The following LMNTD1 variants were observed in gnomAD, a reference collection of about 807,000 sequenced individuals.
The protein encoded by LMNTD1 is lamin tail domain-containing protein 1.
Under a neutral mutation model 50.9 loss-of-function variants are expected in LMNTD1, and 35 were observed. That is an observed-to-expected ratio of 0.69 (90% CI 0.53 to 0.91). LMNTD1 has a LOEUF of 0.91. LMNTD1 is among the 40% of genes least tolerant of loss of function. The pLI, the probability that LMNTD1 is intolerant of heterozygous loss-of-function variation, is 0.00. For missense variants in LMNTD1, 470 were observed against 475.5 expected, an observed-to-expected ratio of 0.99 and a Z score of 0.11; for synonymous variants, 153 against 161.9, an observed-to-expected ratio of 0.94 and a Z score of 0.42.
At chr12:25,526,733 A>G (rs1270035870) in intron 5 of LMNTD1, 36 bp downstream of exon 5, 2 of 1,438,336 alleles carry the variant, frequency 1.4e-6, no homozygotes, top group East Asian at 2.3e-5. Context: ...TGTCCTGTAC[A>G]ATTCTAATGT....
intron 1 of LMNTD1, among the ~76,000 whole-genome samples, chr12:25,577,720 G>GTT (rs1376244186): frequency 1.8e-4 from 27 of 152,280 alleles, no homozygotes; most frequent in African/African-American, 6.0e-4. Context: ...CCAACACTAT[G>GTT]TTGAATAGGA....
intron 6 of LMNTD1, among the ~76,000 whole-genome samples, chr12:25,523,919 C>T (rs138237558): frequency 1.0e-3 from 159 of 151,538 alleles, no homozygotes; most frequent in East Asian, 3.3e-3. Flanking sequence ...CAAGAGCATG[C>T]GCAAAGGCCC....
At chr12:25,566,365 T>G (rs763370407) in intron 1 of LMNTD1, among the ~76,000 whole-genome samples, 2 of 152,236 alleles carry the variant, frequency 1.3e-5, no homozygotes, top group African/African-American at 2.4e-5. Flanking sequence ...CATTGATTGA[T>G]GGCCATTTGG....
At chr12:25,607,774 A>T (rs551180397) in intron 1 of LMNTD1, among the ~76,000 whole-genome samples, 20 of 152,208 alleles carry the variant, frequency 1.3e-4, no homozygotes, top group African/African-American at 2.6e-4. Context: ...AATTTTGGAA[A>T]AAGTGTGATT....
intron 1 of LMNTD1, among the ~76,000 whole-genome samples, chr12:25,641,383 A>T (rs1946957155): frequency 6.6e-6 from 1 of 152,186 alleles, no homozygotes; most frequent in Non-Finnish European, 1.5e-5. Context: ...GCTACATGCC[A>T]TGGAAAGGTT....
intron 8 of LMNTD1, among the ~76,000 whole-genome samples, chr12:25,507,069 T>C (rs1034135320): frequency 1.3e-5 from 2 of 152,012 alleles, no homozygotes; most frequent in African/African-American, 4.8e-5. Flanking sequence ...AGAGACAGGG[T>C]TTCACCATGT....
intron 4 of LMNTD1, among the ~76,000 whole-genome samples, chr12:25,541,935 A>C (rs1435486648): frequency 2.0e-5 from 3 of 152,116 alleles, no homozygotes; most frequent in Non-Finnish European, 2.9e-5. Context: ...ACTTCTCAAA[A>C]GAAGACATTT....
intron 4 of LMNTD1, among the ~76,000 whole-genome samples, chr12:25,543,096 A>T (rs58315574): frequency 0.02 from 3,045 of 152,208 alleles, 115 homozygotes; most frequent in African/African-American, 0.068. Context: ...TAATTAGAAT[A>T]GCCTAATATC....
At chr12:25,530,020 C>A (rs570875172) in intron 4 of LMNTD1, among the ~76,000 whole-genome samples, 1 of 152,158 alleles carries the variant, frequency 6.6e-6, no homozygotes, top group East Asian at 1.9e-4. Flanking sequence ...AAATTTTCAG[C>A]CTTCTTATTA....
chr12:25,530,688 T>G (rs917120143), intron 4 of LMNTD1, among the ~76,000 whole-genome samples: 3 of 152,206 alleles, frequency 2.0e-5, no homozygotes, highest in African/African-American at 7.2e-5. Flanking sequence ...ACAAGTCCCC[T>G]CTCATTTTCT....
At chr12:25,539,894 T>C (rs546543141) in intron 4 of LMNTD1, among the ~76,000 whole-genome samples, 1 of 151,464 alleles carries the variant, frequency 6.6e-6, no homozygotes, top group East Asian at 1.9e-4. Context: ...AAAGGGGATA[T>C]CACCACCGAT....
intron 6 of LMNTD1, among the ~76,000 whole-genome samples, chr12:25,524,736 C>T (rs1001933820): frequency 8.6e-5 from 13 of 151,942 alleles, no homozygotes; most frequent in African/African-American, 2.9e-4. Flanking sequence ...TGTGTATCCT[C>T]ATTTTCTCCA....
chr12:25,550,400 G>A (rs866012964), intron 2 of LMNTD1, among the ~76,000 whole-genome samples: 8 of 152,250 alleles, frequency 5.3e-5, no homozygotes, highest in Middle Eastern at 3.4e-3. Context: ...TTTTGTGGGT[G>A]CATGTGTGTA....
rs143861235 is a variant in LMNTD1, at chr12:25,518,946, G to A, written c.1038C>T (p.Thr346=). The A allele has an allele frequency of 6.2e-6, 10 of 1,614,082 alleles. No homozygotes were observed. The East Asian group carries it at 8.9e-5, about 14-fold the overall frequency. The part of the protein sequence containing the change: ...LLKREKEIPP[T]VFPNRSPWCQ... ...ACCAAGGGCTGCGATTAGGGAAAAC[G>A]GTTGGTGGGATTTCCTTCTCTCTGT... is the stretch of plus-strand genomic sequence containing the variant. Residue 346 remains threonine, a synonymous_variant, in exon 8 of 10, where the codon ACC becomes ACT. Coordinates refer to ENST00000458174, the MANE Select transcript of LMNTD1 (RefSeq NM_001145728.2).
chr12:25,592,494 C>T (rs760914210), intron 1 of LMNTD1: 2 of 152,176 alleles, frequency 1.3e-5, no homozygotes, highest in Admixed American at 6.5e-5. Flanking sequence ...TCTGACCTTA[C>T]CTGGAGTTGA....
At chr12:25,612,087 G>T (rs1946257135) in intron 1 of LMNTD1, among the ~76,000 whole-genome samples, 2 of 152,102 alleles carry the variant, frequency 1.3e-5, no homozygotes. Context: ...AAAGGTTTTT[G>T]TGTGTGTTCA....
intron 4 of LMNTD1, among the ~76,000 whole-genome samples, chr12:25,544,813 G>A (rs1360490141): frequency 6.6e-6 from 1 of 151,404 alleles, no homozygotes; most frequent in Non-Finnish European, 1.5e-5. Context: ...GAATCACAAA[G>A]GAAAGAATAG....
intron 1 of LMNTD1, among the ~76,000 whole-genome samples, chr12:25,597,637 G>T (rs183650900): frequency 6.6e-6 from 1 of 152,120 alleles, no homozygotes; most frequent in East Asian, 1.9e-4. Context: ...ATACACTATA[G>T]GCCAAAAGGA....
intron 4 of LMNTD1, among the ~76,000 whole-genome samples, chr12:25,535,479 C>T (rs192206345): frequency 2.5e-4 from 38 of 151,824 alleles, no homozygotes; most frequent in African/African-American, 8.7e-4. Context: ...CATAACAACC[C>T]CAAGCATAGG....
Sources: allele counts gnomAD v4.1 joint callset (sites outside exome capture counted in the v4.1 genomes callset), GRCh38; gene constraint gnomAD v4.1.1; transcripts MANE v1.5; gene names NCBI Gene and HGNC (gene_info 2026-07-23, HGNC 2026-07-21).